The following RNF135 variants were observed in gnomAD, a reference collection of about 807,000 sequenced individuals.
RNF135 encodes ring finger protein 135, also known as E3 ubiquitin-protein ligase RNF135.
RNF135 carries 46 observed loss-of-function variants against 41.9 expected under a neutral mutation model. That is an observed-to-expected ratio of 1.10 (90% CI 0.87 to 1.40). The LOEUF (loss-of-function observed/expected upper bound fraction) is 1.40. RNF135 is among the 40% of genes most tolerant of loss of function. RNF135 has a pLI of 0.00. For missense variants in RNF135, 539 were observed against 549.8 expected (o/e 0.98, Z 0.20); for synonymous variants, 238 against 223.8 (o/e 1.06, Z -0.57).
chr17:30,961,789 ACC>A, the RNF135 span, among the ~76,000 whole-genome samples: 1 of 152,018 alleles, frequency 6.6e-6, no homozygotes, highest in Non-Finnish European at 1.5e-5. Context: ...CTTTGATTTT[ACC>A]TGGTCTCAAA....
the RNF135 span, among the ~76,000 whole-genome samples, chr17:30,962,221 C>T: frequency 6.6e-6 from 1 of 151,714 alleles, no homozygotes; most frequent in Non-Finnish European, 1.5e-5. Context: ...AAACCTCTGA[C>T]TCCCTGGTTC....
At chr17:30,987,231 CTT>C (rs376698739) in intron 2 of RNF135, among the ~76,000 whole-genome samples, 6 of 142,274 alleles carry the variant, frequency 4.2e-5, no homozygotes, top group Admixed American at 7.0e-5. Flanking sequence ...GAAAAGGTTC[CTT>C]TTTTTTTTTT....
At chr17:30,983,353 A>ATATATATATATATATATTT (rs1420453160) in intron 1 of RNF135, among the ~76,000 whole-genome samples, 5 of 35,734 alleles carry the variant, frequency 1.4e-4, no homozygotes, top group African/African-American at 2.7e-4. Context: ...ATATATATAT[A>ATATATATATATATATATTT]TTTTTTTTTT....
intron 1 of RNF135, chr17:30,975,534 C>T (rs1001573923): frequency 1.3e-6 from 1 of 778,342 alleles, no homozygotes; most frequent in Non-Finnish European, 2.4e-6. Flanking sequence ...AAATAAATGG[C>T]CTCGAAAATA....
chr17:30,967,012 A>T (rs1905578556), upstream of RNF135, among the ~76,000 whole-genome samples: 1 of 152,134 alleles, frequency 6.6e-6, no homozygotes, highest in African/African-American at 2.4e-5. Flanking sequence ...AAGTTTGTCT[A>T]TCATTAAGTA....
chr17:30,984,831 A>G lies in RNF135; in HGVS notation c.516+71A>G, dbSNP rs1907472075. On this transcript the variant is annotated intron_variant, in intron 2 of 4. Coordinates refer to ENST00000328381, the MANE Select transcript of RNF135 (RefSeq NM_032322.4). Reference sequence around the variant, plus strand: ...AGGGATTGCTTTCAACTGGAACAACATGAACATATTTGAACCTGAAGGATA... The same window carrying G: ...AGGGATTGCTTTCAACTGGAACAACGTGAACATATTTGAACCTGAAGGATA... The G allele has an allele frequency of 4.0e-6, 6 of 1,498,872 alleles. 1 individual carries two copies. The East Asian group carries it at 6.8e-5, about 17-fold the overall frequency. 92.8% of individuals were successfully genotyped at this position (1,498,872 alleles called of 1,614,324 possible).
intron 1 of RNF135, chr17:30,980,183 G>C (rs1306010253): frequency 3.7e-5 from 5 of 136,430 alleles, no homozygotes; most frequent in Non-Finnish European, 6.2e-5. Flanking sequence ...CTCACCTCCC[G>C]GATGGGGCGG....
chr17:30,982,513 AG>A (rs1283593349), intron 1 of RNF135, among the ~76,000 whole-genome samples: 1 of 152,168 alleles, frequency 6.6e-6, no homozygotes, highest in Non-Finnish European at 1.5e-5. Context: ...TGGCAATTCA[AG>A]ACTGTTTCTC....
At chr17:30,977,448 A>G (rs1906559836) in intron 1 of RNF135, among the ~76,000 whole-genome samples, 1 of 152,134 alleles carries the variant, frequency 6.6e-6, no homozygotes, top group African/African-American at 2.4e-5. Context: ...ATCTCGGCTC[A>G]CTGCAACTTC....
intron 3 of RNF135, among the ~76,000 whole-genome samples, chr17:30,990,570 T>C (rs1907918544): frequency 6.6e-6 from 1 of 152,202 alleles, no homozygotes; most frequent in South Asian, 2.1e-4. Flanking sequence ...CCAGTCTCTC[T>C]TCCATCCTTG....
intron 1 of RNF135, among the ~76,000 whole-genome samples, chr17:30,983,342 TATA>T (rs1907326449): frequency 1.1e-3 from 41 of 38,002 alleles, no homozygotes; most frequent in Admixed American, 1.8e-3. Context: ...TATATATATA[TATA>T]TATATATATT....
intron 1 of RNF135, among the ~76,000 whole-genome samples, chr17:30,980,011 C>T (rs1244402631): frequency 8.5e-6 from 1 of 118,262 alleles, no homozygotes; most frequent in African/African-American, 3.6e-5. Flanking sequence ...CCCTCCCGGA[C>T]GGGGCGGCTG....
At chr17:30,973,236 A>T (rs888495699) in intron 1 of RNF135, 6 of 151,454 alleles carry the variant, frequency 4.0e-5, no homozygotes. Flanking sequence ...AGTTTTAGAG[A>T]TTCCTTCTAT....
chr17:30,962,509 A>T, the RNF135 span, among the ~76,000 whole-genome samples: 6 of 151,934 alleles, frequency 3.9e-5, no homozygotes, highest in African/African-American at 7.3e-5. Flanking sequence ...TCTGTTGCCC[A>T]GGCTGGAGTG....
the RNF135 span, among the ~76,000 whole-genome samples, chr17:30,963,551 G>C: frequency 6.6e-6 from 1 of 151,072 alleles, no homozygotes; most frequent in East Asian, 1.9e-4. Context: ...TCCAGCCTGG[G>C]TGACAGAGTG....
chr17:30,983,701 A>G (rs376311569), intron 1 of RNF135, among the ~76,000 whole-genome samples: 1 of 151,356 alleles, frequency 6.6e-6, no homozygotes, highest in Non-Finnish European at 1.5e-5. Flanking sequence ...CATAGTGGCT[A>G]TATCATTCCC....
At chr17:30,983,351 ATATTTT>A (rs570191478) in intron 1 of RNF135, among the ~76,000 whole-genome samples, 510 of 41,856 alleles carry the variant, frequency 0.012, no homozygotes, top group African/African-American at 0.048. Context: ...ATATATATAT[ATATTTT>A]TTTTTTTTTT....
At chr17:30,980,539 G>T (rs988883161) in intron 1 of RNF135, among the ~76,000 whole-genome samples, 3 of 138,614 alleles carry the variant, frequency 2.2e-5, no homozygotes, top group Non-Finnish European at 4.8e-5. Context: ...GGTGGCTGCC[G>T]GGCGGAGACG....
intron 3 of RNF135, among the ~76,000 whole-genome samples, chr17:30,992,293 C>T (rs1166849895): frequency 6.6e-6 from 1 of 151,878 alleles, no homozygotes; most frequent in Non-Finnish European, 1.5e-5. Flanking sequence ...GTCTCAAACT[C>T]TTAGGCTCAA....
Sources: gnomAD v4.1 joint callset for allele counts (sites outside exome capture counted in the v4.1 genomes callset) on GRCh38, gnomAD v4.1.1 for gene constraint, MANE v1.5 for transcripts, NCBI Gene and HGNC (gene_info 2026-07-23, HGNC 2026-07-21) for gene names.